The following GALNT17 variants were observed in gnomAD, a reference collection of about 807,000 sequenced individuals.
GALNT17 encodes the protein polypeptide N-acetylgalactosaminyltransferase 17.
In GALNT17, 29 loss-of-function variants were observed where a neutral mutation model predicts 63.7. That is an observed-to-expected ratio of 0.46 (90% confidence interval 0.34 to 0.62). The LOEUF (loss-of-function observed/expected upper bound fraction) is 0.62. Ranked by LOEUF, GALNT17 falls within the 20% of genes least tolerant of loss-of-function variation. The pLI is 0.01. For missense variants in GALNT17, 603 were observed against 799.6 expected, an observed-to-expected ratio of 0.75 and a Z score of 2.97; for synonymous variants, 305 against 318.3, an observed-to-expected ratio of 0.96 and a Z score of 0.45.
chr7:71,259,946 G>C (rs1240416687), intron 1 of GALNT17, among the ~76,000 whole-genome samples: 3 of 152,096 alleles, frequency 2.0e-5, no homozygotes, highest in African/African-American at 7.2e-5. Flanking sequence ...CAGCCTCTTG[G>C]TCCTGTTTTA....
chr7:71,541,586 A>AG (rs1788893491), intron 5 of GALNT17, among the ~76,000 whole-genome samples: 1 of 152,104 alleles, frequency 6.6e-6, no homozygotes. Flanking sequence ...AAAAAGAAAA[A>AG]GAAACAGTGA....
chr7:71,587,100 T>C (rs1290292004), intron 6 of GALNT17, among the ~76,000 whole-genome samples: 3 of 152,160 alleles, frequency 2.0e-5, no homozygotes, highest in Non-Finnish European at 4.4e-5. Flanking sequence ...TGATCTCAGC[T>C]CACTGCAACC....
chr7:71,468,917 A>G (rs1787582418), intron 5 of GALNT17, among the ~76,000 whole-genome samples: 1 of 152,200 alleles, frequency 6.6e-6, no homozygotes, highest in Admixed American at 6.5e-5. Flanking sequence ...TCATGATCAT[A>G]AATCCCAACA....
chr7:71,139,601 C>T (rs1787849076), intron 1 of GALNT17, among the ~76,000 whole-genome samples: 1 of 152,080 alleles, frequency 6.6e-6, no homozygotes, highest in Non-Finnish European at 1.5e-5. Flanking sequence ...CCCAGCACAC[C>T]ACAACCCACC....
chr7:71,651,018 A>G (rs1399390338), intron 6 of GALNT17, among the ~76,000 whole-genome samples: 1 of 152,166 alleles, frequency 6.6e-6, no homozygotes, highest in Non-Finnish European at 1.5e-5. Flanking sequence ...AGTTAAAGGC[A>G]TCAGGCTGGG....
At chr7:71,324,791 A>T (rs189305651) in intron 1 of GALNT17, among the ~76,000 whole-genome samples, 16 of 152,336 alleles carry the variant, frequency 1.1e-4, no homozygotes, top group Admixed American at 5.9e-4. Flanking sequence ...ATGTGAATTT[A>T]AAAATATACA....
At position 71,142,012 on chromosome 7, in the gene GALNT17, CTG is replaced by C. The variant is rs201770661; in HGVS notation, c.238+9006_238+9007del. Among the ~76,000 whole-genome samples, 695 of 124,842 alleles carry C rather than the reference CTG, an allele frequency of 5.6e-3. 4 individuals carry two copies. Among genetic ancestry groups the C allele is most frequent in the South Asian group, 0.013 (47 of 3,482 alleles). 81.9% of individuals were successfully genotyped at this position (124,842 alleles called of 152,430 possible). A position where few individuals can be genotyped will look rare whatever the true frequency, so the allele number is the denominator to read the frequency against. On this transcript the variant is annotated intron_variant, in intron 1 of 10. Transcript: ENST00000333538. ...TTCAGGCATGAGCCACCACATTTGG[CTG>C]TGTGTGTGTGTGTGTGTGTGTGTGT... is the stretch of plus-strand genomic sequence containing the variant.
chr7:71,134,163 G>A (rs1045239150), intron 1 of GALNT17, among the ~76,000 whole-genome samples: 3 of 152,132 alleles, frequency 2.0e-5, no homozygotes, highest in African/African-American at 7.2e-5. Flanking sequence ...ATATAACTGC[G>A]CCCCAAACCT....
At chr7:71,636,766 A>G (rs1790533787) in intron 6 of GALNT17, among the ~76,000 whole-genome samples, 1 of 152,176 alleles carries the variant, frequency 6.6e-6, no homozygotes, top group South Asian at 2.1e-4. Flanking sequence ...TCGTTGGGAT[A>G]TTGGTCCAGA....
At position 71,206,736 on chromosome 7, in the gene GALNT17, G is replaced by A. The variant is rs565729966; in HGVS notation, c.238+73696G>A. 2.6e-5 allele frequency among the ~76,000 whole-genome samples: 4 copies of A among 152,226 alleles called. No individual in the cohort carries two copies. The East Asian group carries it at 7.7e-4, about 29-fold the overall frequency. ...GGGTCTCATATTTCTGCGGCTAAAG[G>A]AATGCAGACCATATCTGGATTCTCC... On this transcript the variant is annotated intron_variant, in intron 1 of 10. Transcript: ENST00000333538.
intron 2 of GALNT17, among the ~76,000 whole-genome samples, chr7:71,386,092 C>G (rs1027102842): frequency 1.3e-5 from 2 of 152,102 alleles, no homozygotes; most frequent in Admixed American, 6.5e-5. Flanking sequence ...CCTGTGAGCC[C>G]GTCAATAATC....
chr7:71,357,768 T>C (rs7792385), intron 2 of GALNT17, among the ~76,000 whole-genome samples: 8,517 of 152,000 alleles, frequency 0.056, 765 homozygotes, highest in African/African-American at 0.19. Flanking sequence ...CTGGGTTGAG[T>C]GGGGACTTGG....
intron 2 of GALNT17, among the ~76,000 whole-genome samples, chr7:71,368,631 A>G (rs1792558809): frequency 6.6e-6 from 1 of 152,100 alleles, no homozygotes; most frequent in African/African-American, 2.4e-5. Flanking sequence ...ATTTACATAT[A>G]TATTTTTTTC....
chr7:71,288,872 C>T (rs1301434750), intron 1 of GALNT17, among the ~76,000 whole-genome samples: 2 of 152,132 alleles, frequency 1.3e-5, no homozygotes, highest in South Asian at 2.1e-4. Context: ...GCCATTCCCT[C>T]GGGATTTTCT....
Position 71,679,527 on chromosome 7 carries a change from A to G in GALNT17, c.1500+2221A>G, listed in dbSNP as rs377238928. Reference sequence around the variant, plus strand: ...GGTATGATGCAGTCTTTGCTCCCAAATCGTTTACCCTTGAAGGGGAGGGAC... The same window carrying G: ...GGTATGATGCAGTCTTTGCTCCCAAGTCGTTTACCCTTGAAGGGGAGGGAC... On this transcript the variant is annotated intron_variant, in intron 9 of 10. Coordinates refer to ENST00000333538, the MANE Select transcript of GALNT17 (RefSeq NM_022479.3). Among the ~76,000 whole-genome samples the G allele has an allele frequency of 1.1e-4, 17 of 152,284 alleles. No homozygotes were observed. In the East Asian group the frequency reaches 2.7e-3, roughly 24 times the overall value.
At chr7:71,188,946 A>G (rs1047031060) in intron 1 of GALNT17, among the ~76,000 whole-genome samples, 1 of 152,182 alleles carries the variant, frequency 6.6e-6, no homozygotes, top group Non-Finnish European at 1.5e-5. Context: ...ACCTTGGTAT[A>G]TTGATTGCTG....
intron 6 of GALNT17, among the ~76,000 whole-genome samples, chr7:71,610,791 G>T (rs1790113756): frequency 6.6e-6 from 1 of 151,990 alleles, no homozygotes; most frequent in Admixed American, 6.6e-5. Context: ...TTCAAGACCA[G>T]CATGGCCAAC....
At chr7:71,662,320 A>ATCTC (rs1279445561) in intron 6 of GALNT17, among the ~76,000 whole-genome samples, 2 of 150,630 alleles carry the variant, frequency 1.3e-5, no homozygotes, top group African/African-American at 2.4e-5. Flanking sequence ...CTCTCTGTTT[A>ATCTC]TCTATCTATC....
chr7:71,622,096 G>A (rs1446846509), intron 6 of GALNT17, among the ~76,000 whole-genome samples: 1 of 152,298 alleles, frequency 6.6e-6, no homozygotes, highest in African/African-American at 2.4e-5. Context: ...CAACCGAAGA[G>A]GTCAGTGGGC....
Sources: gnomAD v4.1 joint callset for allele counts (sites outside exome capture counted in the v4.1 genomes callset) on GRCh38, gnomAD v4.1.1 for gene constraint, MANE v1.5 for transcripts, NCBI Gene and HGNC (gene_info 2026-07-23, HGNC 2026-07-21) for gene names.